ARHGAP42: variants seen among roughly 807,000 people sequenced by gnomAD.
ARHGAP42 encodes rho GTPase-activating protein 42.
ARHGAP42 carries 63 observed loss-of-function variants against 125.0 expected under a neutral mutation model. That is an observed-to-expected ratio of 0.50 (90% CI 0.41 to 0.62). The LOEUF (loss-of-function observed/expected upper bound fraction) is 0.62, where lower values mean the gene tolerates loss of function less well. Ranked by LOEUF, ARHGAP42 falls within the 20% of genes least tolerant of loss-of-function variation. The pLI is 0.00. For synonymous variants in ARHGAP42, 339 were observed against 351.0 expected, an observed-to-expected ratio of 0.97 and a Z score of 0.38; for missense variants, 766 against 1,024.2, an observed-to-expected ratio of 0.75 and a Z score of 3.44.
At chr11:100,698,836 A>G (rs1203200472) in intron 1 of ARHGAP42, among the ~76,000 whole-genome samples, 3 of 152,188 alleles carry the variant, frequency 2.0e-5, no homozygotes, top group Admixed American at 6.5e-5. Flanking sequence ...GATTTGGGAA[A>G]GCTGTGTACC....
rs553621662 is a variant in ARHGAP42, at chr11:100,870,242, T to C, written c.384+10617T>C. ...AAATCTCAATTGACTGAAGAAAGTT[T>C]TCTAGGTCTCTTGCTTTCAGTAGGG... On this transcript the variant is annotated intron_variant, in intron 4 of 23. Transcript: ENST00000298815. Among the ~76,000 whole-genome samples the C allele has an allele frequency of 5.9e-5, 9 of 152,338 alleles. No homozygotes were observed. The East Asian group carries it at 1.7e-3, about 29-fold the overall frequency.
intron 2 of ARHGAP42, among the ~76,000 whole-genome samples, chr11:100,778,576 A>G (rs1324716668): frequency 6.6e-6 from 1 of 151,732 alleles, no homozygotes; most frequent in Non-Finnish European, 1.5e-5. Context: ...TTTTTTTTAA[A>G]CCACCCTTAT....
chr11:100,733,229 A>G (rs2120313146), intron 1 of ARHGAP42, among the ~76,000 whole-genome samples: 1 of 152,346 alleles, frequency 6.6e-6, no homozygotes, highest in East Asian at 1.9e-4. Flanking sequence ...TTCCTTATCT[A>G]TGAAATAGGG....
intron 1 of ARHGAP42, among the ~76,000 whole-genome samples, chr11:100,745,971 G>A (rs953903072): frequency 4.6e-5 from 7 of 152,082 alleles, no homozygotes; most frequent in African/African-American, 1.7e-4. Flanking sequence ...AGTAGATGTG[G>A]GAATGGAAAG....
Position 100,850,731 on chromosome 11 carries a change from G to T in ARHGAP42, c.313-8823G>T, listed in dbSNP as rs117384919. Among the ~76,000 whole-genome samples the T allele has an allele frequency of 9.0e-3, 1,363 of 152,028 alleles. 7 individuals carry two copies. The highest frequency in any genetic ancestry group is 0.011 in the Non-Finnish European group (751 of 67,964). On this transcript the variant is annotated intron_variant, in intron 3 of 23. Transcript: ENST00000298815. ...AATATTGAAAAGATTAAATTCATTTGTACTTCTTTATACTTAAACTTAATT... is the reference window on the plus strand; with the variant it reads ...AATATTGAAAAGATTAAATTCATTTTTACTTCTTTATACTTAAACTTAATT...
At chr11:100,868,273 A>T (rs1248954086) in intron 4 of ARHGAP42, among the ~76,000 whole-genome samples, 1 of 152,204 alleles carries the variant, frequency 6.6e-6, no homozygotes, top group Non-Finnish European at 1.5e-5. Context: ...ATGAGGCATG[A>T]CTTTACTTGT....
At chr11:100,850,132 C>T (rs1398185627) in intron 3 of ARHGAP42, among the ~76,000 whole-genome samples, 2 of 152,136 alleles carry the variant, frequency 1.3e-5, no homozygotes, top group Admixed American at 6.5e-5. Flanking sequence ...CACACATAAA[C>T]ATGGCATCAG....
intron 5 of ARHGAP42, among the ~76,000 whole-genome samples, chr11:100,919,138 C>T (rs1867164441): frequency 6.6e-6 from 1 of 152,094 alleles, no homozygotes; most frequent in Non-Finnish European, 1.5e-5. Context: ...TCAATTCCCC[C>T]CTGCAAGGAG....
intron 4 of ARHGAP42, among the ~76,000 whole-genome samples, chr11:100,904,885 A>C (rs1313878487): frequency 6.6e-6 from 1 of 152,212 alleles, no homozygotes; most frequent in Non-Finnish European, 1.5e-5. Context: ...TTTTATGTGG[A>C]GTTCTGGTAT....
intron 2 of ARHGAP42, among the ~76,000 whole-genome samples, chr11:100,787,364 G>A (rs984531487): frequency 1.3e-5 from 2 of 151,770 alleles, no homozygotes; most frequent in African/African-American, 4.8e-5. Flanking sequence ...TTTATCTTTC[G>A]CCACGATTGT....
intron 3 of ARHGAP42, among the ~76,000 whole-genome samples, chr11:100,827,169 A>G (rs1470933239): frequency 6.6e-6 from 1 of 151,792 alleles, no homozygotes; most frequent in Non-Finnish European, 1.5e-5. Flanking sequence ...CGCCCAACTA[A>G]TTTTTGTATT....
intron 1 of ARHGAP42, among the ~76,000 whole-genome samples, chr11:100,708,925 T>TA (rs1861518907): frequency 6.6e-6 from 1 of 152,206 alleles, no homozygotes; most frequent in Non-Finnish European, 1.5e-5. Context: ...ATAGAACAGT[T>TA]ATAACAATGT....
chr11:100,899,925 A>C (rs1037563157), intron 4 of ARHGAP42, among the ~76,000 whole-genome samples: 1 of 151,778 alleles, frequency 6.6e-6, no homozygotes, highest in African/African-American at 2.4e-5. Context: ...TAATATTGTT[A>C]TATGTGAATT....
chr11:100,976,744 G>A, intron 20 of ARHGAP42, 71 bp from the exon 21 acceptor site: 1 of 1,509,618 alleles, frequency 6.6e-7, no homozygotes, highest in Non-Finnish European at 8.9e-7. Context: ...CTTTTGTTAT[G>A]CACATGTACG....
intron 2 of ARHGAP42, among the ~76,000 whole-genome samples, chr11:100,778,029 C>T (rs1393413397): frequency 1.3e-5 from 2 of 152,086 alleles, no homozygotes; most frequent in African/African-American, 4.8e-5. Flanking sequence ...AAAAATTTAG[C>T]CAGGCATGGT....
At chr11:100,875,105 CTCTGTGTGTGTGTGTGTGTG>C (rs1329934669) in intron 4 of ARHGAP42, among the ~76,000 whole-genome samples, 2 of 49,236 alleles carry the variant, frequency 4.1e-5, no homozygotes, top group African/African-American at 1.1e-4. Flanking sequence ...CTCTCTCTCT[CTCTGTGTGTGTGTGTGTGTG>C]TGTGTGTGTG....
At chr11:100,916,428 A>T (rs1165550361) in intron 5 of ARHGAP42, among the ~76,000 whole-genome samples, 1 of 152,208 alleles carries the variant, frequency 6.6e-6, no homozygotes, top group East Asian at 1.9e-4. Flanking sequence ...AGAAAGGTAA[A>T]CACTTCAATG....
At chr11:100,726,190 A>G (rs1861858581) in intron 1 of ARHGAP42, among the ~76,000 whole-genome samples, 2 of 152,152 alleles carry the variant, frequency 1.3e-5, no homozygotes, top group South Asian at 4.1e-4. Flanking sequence ...TGTACTCTGG[A>G]CAAAAGAAGA....
chr11:100,751,896 C>T (rs951683105), intron 1 of ARHGAP42, among the ~76,000 whole-genome samples: 1 of 150,462 alleles, frequency 6.6e-6, no homozygotes, highest in Non-Finnish European at 1.5e-5. Context: ...TCTCCTGCCT[C>T]ACCCTCCCGA....
Sources: gnomAD v4.1 joint callset for allele counts (sites outside exome capture counted in the v4.1 genomes callset) on GRCh38, gnomAD v4.1.1 for gene constraint, MANE v1.5 for transcripts, NCBI Gene and HGNC (gene_info 2026-07-23, HGNC 2026-07-21) for gene names.